VASH2: variants seen among roughly 807,000 people sequenced by gnomAD.
VASH2 encodes vasohibin 2.
Under a neutral mutation model 37.2 loss-of-function variants are expected in VASH2, and 28 were observed. The ratio of observed to expected loss-of-function variants is 0.75; its 90% CI spans 0.56 to 1.03. The LOEUF is 1.03. Ranked by LOEUF, VASH2 falls within the 50% of genes least tolerant of loss-of-function variation. The probability of loss-of-function intolerance (pLI) is 0.00; values close to 1 mark genes in which losing one functional copy is unlikely to be tolerated. For synonymous variants in VASH2, 188 were observed against 174.7 expected (o/e 1.08, Z -0.60); for missense variants, 419 against 459.1 (o/e 0.91, Z 0.80).
At chr1:212,952,634 G>A (rs1470487660) in intron 2 of VASH2, 1 of 152,236 alleles carries the variant, frequency 6.6e-6, no homozygotes, top group Non-Finnish European at 1.5e-5. Context: ...ACCCTGGTGG[G>A]AGTAGATACG....
At chr1:212,969,059 G>A (rs895950159) in intron 5 of VASH2, 16 of 985,338 alleles carry the variant, frequency 1.6e-5, no homozygotes, top group African/African-American at 1.7e-5. Context: ...CAGTGTGCTC[G>A]TGGTTTTCCT....
intron 2 of VASH2, chr1:212,952,669 C>A (rs1360789090): frequency 1.3e-5 from 2 of 152,168 alleles, no homozygotes; most frequent in Non-Finnish European, 2.9e-5. Context: ...AAAATGCAAA[C>A]TGGGGAGAAA....
rs1666270819 is a variant in VASH2 at position 212,950,635 on chromosome 1, GC to G, written c.-306del. ...TGGAATGAGGCGACGGCCCCAGCAA[GC>G]CCCAGCAGCCCCAGCCCCAGCCCCA... On this transcript the variant is annotated 5_prime_UTR_variant, in exon 1 of 8. It removes the in-frame stop codon of an upstream open reading frame in the 5' UTR. Coordinates refer to ENST00000517399, the MANE Select transcript of VASH2 (RefSeq NM_001301056.2). The surrounding 1 kb of genome is among the most constrained non-coding windows in gnomAD (Gnocchi z 5.5). 1 of 155,048 alleles carries G rather than the reference GC, an allele frequency of 6.4e-6. No homozygotes were observed. The highest frequency in any genetic ancestry group is 1.4e-5 in the Non-Finnish European group (1 of 69,528). 9.6% of individuals were successfully genotyped at this position (155,048 alleles called of 1,614,324 possible).
chr1:212,958,663 AC>A (rs1445517500), intron 2 of VASH2, among the ~76,000 whole-genome samples: 2 of 151,886 alleles, frequency 1.3e-5, no homozygotes, highest in Non-Finnish European at 2.9e-5. Context: ...TCCCACACTT[AC>A]CAGCTTTTCT....
intron 7 of VASH2, chr1:212,974,928 C>T (rs1420173823): frequency 2.6e-5 from 4 of 152,176 alleles, no homozygotes; most frequent in African/African-American, 9.7e-5. Flanking sequence ...ATCAAATGCT[C>T]TCCTTGCCTA....
chr1:212,983,526 A>G (rs570619206), intron 7 of VASH2, among the ~76,000 whole-genome samples: 2 of 152,344 alleles, frequency 1.3e-5, no homozygotes, highest in Admixed American at 6.5e-5. Context: ...CCGGATCCAC[A>G]CACCTCCCAC....
chr1:212,986,336 G>A (rs945769644), intron 7 of VASH2, among the ~76,000 whole-genome samples: 1 of 152,138 alleles, frequency 6.6e-6, no homozygotes, highest in Non-Finnish European at 1.5e-5. Flanking sequence ...ATTTGCATCA[G>A]GCTGATGCTA....
At position 212,990,432 on chromosome 1, in the gene VASH2, T is replaced by C. The variant is rs1451430411; in HGVS notation, c.*1848T>C. On this transcript the variant is annotated 3_prime_UTR_variant, in exon 8 of 8. Transcript: ENST00000517399. ...GTTTGAAATAGTGAATCATTTCATT[T>C]TCATTCTAAAACAATACTGACTTAG... 1 of 152,242 alleles carries C rather than the reference T, an allele frequency of 6.6e-6. No individual in the cohort carries two copies. The highest frequency in any genetic ancestry group is 2.4e-5 in the African/African-American group (1 of 41,468). 9.4% of individuals were successfully genotyped at this position (152,242 alleles called of 1,614,324 possible). A position where few individuals can be genotyped will look rare whatever the true frequency, so the allele number is the denominator to read the frequency against.
chr1:212,962,254 G>A (rs1391991868), intron 3 of VASH2, among the ~76,000 whole-genome samples: 3 of 152,208 alleles, frequency 2.0e-5, no homozygotes, highest in Non-Finnish European at 4.4e-5. Flanking sequence ...GGACAGAGGG[G>A]CAGGAGCGGG....
chr1:212,974,509 A>G (rs1186601672), intron 7 of VASH2: 1 of 152,500 alleles, frequency 6.6e-6, no homozygotes, highest in Non-Finnish European at 1.5e-5. Context: ...ACCCAGCAGA[A>G]GGTGTGATTA....
intron 2 of VASH2, among the ~76,000 whole-genome samples, chr1:212,954,757 C>T (rs1440554892): frequency 6.6e-6 from 1 of 152,182 alleles, no homozygotes; most frequent in Non-Finnish European, 1.5e-5. Flanking sequence ...TCATATTGTA[C>T]TTTTCATAGT....
At chr1:212,962,977 CTTT>C (rs113122383) in intron 3 of VASH2, among the ~76,000 whole-genome samples, 4 of 147,366 alleles carry the variant, frequency 2.7e-5, no homozygotes, top group African/African-American at 9.9e-5. Context: ...CTCCCCATCT[CTTT>C]TTTTTTTTTA....
At chr1:212,964,401 A>T (rs1358714046) in intron 3 of VASH2, among the ~76,000 whole-genome samples, 5 of 152,238 alleles carry the variant, frequency 3.3e-5, no homozygotes, top group Non-Finnish European at 7.3e-5. Flanking sequence ...ATAGAAATTC[A>T]GGCTTCATTA....
Position 212,951,407 on chromosome 1 carries a change from AGCGAGAG to A in VASH2, c.-133_-127del, listed in dbSNP as rs2102612234. The A allele has an allele frequency of 2.4e-5, 8 of 335,048 alleles. No individual in the cohort carries two copies. In the South Asian group the frequency reaches 6.6e-4, roughly 28 times the overall value. The allele number at this position is 335,048 out of a possible 1,614,324, so 20.8% of individuals were successfully genotyped here. On this transcript the variant is annotated 5_prime_UTR_variant, in exon 2 of 8. Coordinates refer to ENST00000517399, the MANE Select transcript of VASH2 (RefSeq NM_001301056.2). The surrounding 1 kb of genome is among the most constrained non-coding windows in gnomAD (Gnocchi z 4.4). ...GCTCCCCCTTGGTGAGTCCTGCCGC[AGCGAGAG>A]GCATGGAGAAGGCCGCCCCCGCGGG...
Position 212,965,742 on chromosome 1 carries a change from A to G in VASH2, c.386A>G (p.Gln129Arg), listed in dbSNP as rs749272047. The G allele has an allele frequency of 1.9e-6, 3 of 1,552,122 alleles. No individual in the cohort carries two copies. In the African/African-American group the frequency reaches 4.1e-5, roughly 21 times the overall value. The change falls in exon 4 of 8, where the codon CAG becomes CGG. Residue 129 changes from glutamine (Q) to arginine (R), a missense_variant. Transcript: ENST00000517399. ...KTLQYNHTGT[Q>R]FFEIRKMRPL... ...CACAGATATAATCACACAGGGACCCAGTTCTTTGAAATTAGGAAAATGAGA... is the reference window on the plus strand; with the variant it reads ...CACAGATATAATCACACAGGGACCCGGTTCTTTGAAATTAGGAAAATGAGA...
chr1:212,969,407 A>G (rs1316650308), intron 5 of VASH2, among the ~76,000 whole-genome samples: 1 of 152,130 alleles, frequency 6.6e-6, no homozygotes, highest in Non-Finnish European at 1.5e-5. Flanking sequence ...TGTGTTAGCC[A>G]GGATGGTCTC....
intron 3 of VASH2, among the ~76,000 whole-genome samples, chr1:212,963,093 A>C (rs1175639906): frequency 6.6e-6 from 1 of 152,176 alleles, no homozygotes; most frequent in African/African-American, 2.4e-5. Context: ...TTAAACTGGG[A>C]ATGCATTGAT....
chr1:212,978,276 A>G (rs1348838686), intron 7 of VASH2, among the ~76,000 whole-genome samples: 1 of 152,216 alleles, frequency 6.6e-6, no homozygotes, highest in Non-Finnish European at 1.5e-5. Context: ...CTGCGCCTGC[A>G]GAGGACAGCT....
At chr1:212,969,520 C>G (rs770845098) in intron 5 of VASH2, among the ~76,000 whole-genome samples, 2 of 152,148 alleles carry the variant, frequency 1.3e-5, no homozygotes, top group Admixed American at 1.3e-4. Context: ...GAGACGGAGT[C>G]TCGGTCTGTG....
Sources: allele counts gnomAD v4.1 joint callset (sites outside exome capture counted in the v4.1 genomes callset), GRCh38; gene constraint gnomAD v4.1.1; non-coding constraint Gnocchi (gnomAD v3.1); transcripts MANE v1.5; gene names NCBI Gene and HGNC (gene_info 2026-07-23, HGNC 2026-07-21).